SIK2: variants seen among roughly 807,000 people sequenced by gnomAD.
SIK2 encodes the protein serine/threonine-protein kinase SIK2.
A neutral mutation model predicts 103.2 loss-of-function variants in SIK2; 29 were observed. The ratio of observed to expected loss-of-function variants is 0.28; its 90% CI spans 0.21 to 0.38. The LOEUF is 0.38. SIK2 is among the 10% of genes least tolerant of loss of function. The probability of loss-of-function intolerance (pLI) is 1.00; values close to 1 mark genes in which losing one functional copy is unlikely to be tolerated. For synonymous variants in SIK2, 412 were observed against 446.1 expected, an observed-to-expected ratio of 0.92 and a Z score of 0.96; for missense variants, 879 against 1,171.0, an observed-to-expected ratio of 0.75 and a Z score of 3.64.
rs1205063442 is a variant in SIK2, at chr11:111,674,749, AT to A, written c.317-13237del. Among the ~76,000 whole-genome samples the A allele has an allele frequency of 4.8e-3, 696 of 145,290 alleles. 2 individuals are homozygous for A. The highest frequency in any genetic ancestry group is 0.011 in the African/African-American group (438 of 39,902). Reference sequence around the variant, plus strand: ...TACCAGTCATATTTCTACTGTGATAATTTTTTTTTTTTTTTGAGACGGAGTC... The same window carrying A: ...TACCAGTCATATTTCTACTGTGATAATTTTTTTTTTTTTTGAGACGGAGTC... On this transcript the variant is annotated intron_variant, in intron 3 of 14. Coordinates refer to ENST00000304987, the MANE Select transcript of SIK2 (RefSeq NM_015191.3).
At chr11:111,655,394 ACT>A in intron 3 of SIK2, among the ~76,000 whole-genome samples, 1 of 152,236 alleles carries the variant, frequency 6.6e-6, no homozygotes, top group African/African-American at 2.4e-5. Flanking sequence ...ACAGAGCGAG[ACT>A]CTGTCTCAAA....
chr11:111,634,556 A>G (rs1362204418), intron 3 of SIK2, among the ~76,000 whole-genome samples: 1 of 152,048 alleles, frequency 6.6e-6, no homozygotes, highest in Non-Finnish European at 1.5e-5. Flanking sequence ...TCAGATTGCC[A>G]TCATTTCTCA....
intron 2 of SIK2, among the ~76,000 whole-genome samples, chr11:111,618,643 T>C (rs764420984): frequency 2.0e-5 from 3 of 152,146 alleles, no homozygotes; most frequent in Non-Finnish European, 4.4e-5. Context: ...CACTGTACTT[T>C]AGCCTGGATA....
chr11:111,617,665 G>A (rs748077354), intron 2 of SIK2, among the ~76,000 whole-genome samples: 9 of 152,160 alleles, frequency 5.9e-5, no homozygotes, highest in Non-Finnish European at 1.0e-4. Flanking sequence ...AAATAGATTA[G>A]CACAAATGTG....
chr11:111,654,451 A>G (rs775079089), intron 3 of SIK2, among the ~76,000 whole-genome samples: 2 of 152,210 alleles, frequency 1.3e-5, no homozygotes, highest in Non-Finnish European at 2.9e-5. Flanking sequence ...TTGTCAGATC[A>G]TTTGGCCAAA....
Position 111,723,938 on chromosome 11 carries a change from C to G in SIK2, c.2590C>G (p.Pro864Ala), listed in dbSNP as rs767803933. The G allele has an allele frequency of 1.2e-6, 2 of 1,614,108 alleles. No homozygotes were observed. Among genetic ancestry groups the G allele is most frequent in the Admixed American group, 1.7e-5 (1 of 60,016 alleles). The change falls in exon 15 of 15, where the codon CCC becomes GCC. Residue 864 changes from proline to alanine, a missense_variant. By Grantham distance (27) the Pro-to-Ala change is conservative (BLOSUM62 -1). Transcript: ENST00000304987. ...AASPAPDYPT[P>A]CQYPVDGAQQ... The stretch of plus-strand genomic sequence containing the variant: ...TTCCCCTGCGCCAGACTATCCCACT[C>G]CCTGTCAGTATCCTGTGGATGGAGC...
intron 1 of SIK2, among the ~76,000 whole-genome samples, chr11:111,615,967 A>G (rs187647110): frequency 1.2e-4 from 19 of 152,350 alleles, no homozygotes; most frequent in Admixed American, 9.8e-4. Flanking sequence ...CAGTTTGTAC[A>G]GGAGAAAAAA....
At chr11:111,659,981 G>A (rs1218824519) in intron 3 of SIK2, among the ~76,000 whole-genome samples, 1 of 152,180 alleles carries the variant, frequency 6.6e-6, no homozygotes, top group African/African-American at 2.4e-5. Context: ...GTCACATCCA[G>A]ATATTCAGAA....
intron 7 of SIK2, 63 bp downstream of exon 7, chr11:111,703,486 C>CA (rs1279187694): frequency 6.9e-7 from 1 of 1,441,524 alleles, no homozygotes; most frequent in Admixed American, 1.7e-5. Context: ...CATGCTCACA[C>CA]CTGTCATCCT....
At chr11:111,658,199 C>G (rs1174862822) in intron 3 of SIK2, among the ~76,000 whole-genome samples, 1 of 151,508 alleles carries the variant, frequency 6.6e-6, no homozygotes, top group Non-Finnish European at 1.5e-5. Flanking sequence ...GAGCTCGGCT[C>G]ACTGCAACCT....
chr11:111,658,740 C>CAA (rs112214279), intron 3 of SIK2, among the ~76,000 whole-genome samples: 1 of 139,586 alleles, frequency 7.2e-6, no homozygotes, highest in African/African-American at 2.6e-5. Flanking sequence ...GGCCTTGTCA[C>CAA]AAAAAAAAAA....
chr11:111,616,364 G>A lies in SIK2; in HGVS notation c.252+5G>A. The A allele has an allele frequency of 4.0e-6, 6 of 1,500,184 alleles. No individual in the cohort carries two copies. The highest frequency in any genetic ancestry group is 5.6e-6 in the Non-Finnish European group (6 of 1,076,698). 92.9% of individuals were successfully genotyped at this position (1,500,184 alleles called of 1,614,324 possible). On this transcript the variant is annotated splice_donor_5th_base_variant and intron_variant, in intron 2 of 14. Transcript: ENST00000304987. ...CACATAATCAAACTTTATCAGGTAT[G>A]ACTCAGCCTAACACTATCTCCATTC...
chr11:111,641,114 T>G (rs565963856), intron 3 of SIK2, among the ~76,000 whole-genome samples: 4 of 152,172 alleles, frequency 2.6e-5, no homozygotes, highest in African/African-American at 9.7e-5. Context: ...TTCTCTTTTT[T>G]TCTTGGAAAT....
At chr11:111,660,582 T>G (rs1942454141) in intron 3 of SIK2, among the ~76,000 whole-genome samples, 1 of 152,226 alleles carries the variant, frequency 6.6e-6, no homozygotes, top group South Asian at 2.1e-4. Context: ...GAGATCAGTC[T>G]TCTGAAATCT....
At chr11:111,650,208 G>T (rs893035409) in intron 3 of SIK2, among the ~76,000 whole-genome samples, 1 of 150,852 alleles carries the variant, frequency 6.6e-6, no homozygotes, top group Admixed American at 6.6e-5. Context: ...TTTTCCTTTG[G>T]CTTCTCTGGG....
intron 3 of SIK2, among the ~76,000 whole-genome samples, chr11:111,678,126 G>A (rs1565349459): frequency 1.3e-5 from 2 of 152,022 alleles, no homozygotes; most frequent in South Asian, 2.1e-4. Context: ...TTTTGTGAAC[G>A]TGCTGCACCT....
chr11:111,711,922 G>A (rs1943507924), intron 8 of SIK2, among the ~76,000 whole-genome samples: 1 of 152,220 alleles, frequency 6.6e-6, no homozygotes, highest in Non-Finnish European at 1.5e-5. Context: ...GAACATTCTT[G>A]ATTCCTCACA....
In SIK2 at chr11:111,723,586, G is replaced by T. The variant is rs369337511; in HGVS notation, c.2238G>T (p.Gln746His). 1 of 1,614,170 alleles carries T rather than the reference G, an allele frequency of 6.2e-7. No homozygotes were observed. Among genetic ancestry groups the T allele is most frequent in the Non-Finnish European group, 8.5e-7 (1 of 1,180,034 alleles). ...AGATAGCAGAGAGCTCCTACCCACAGCCAAGTCAGCAGCTGCCCCTTCCCC... is the reference window on the plus strand; with the variant it reads ...AGATAGCAGAGAGCTCCTACCCACATCCAAGTCAGCAGCTGCCCCTTCCCC... ...QMQIAESSYP[Q>H]PSQQLPLPRQ... The change falls in exon 15 of 15, where the codon CAG becomes CAT. Residue 746 changes from glutamine to histidine, a missense_variant. This residue lies in a region of SIK2 where 375 missense variants were observed against 416.3 expected (regional missense o/e 0.90). Transcript: ENST00000304987.
Position 111,602,743 on chromosome 11 carries a change from G to A in SIK2, c.135+45G>A. 1 of 1,456,130 alleles carries A rather than the reference G, an allele frequency of 6.9e-7. No individual in the cohort carries two copies. Among genetic ancestry groups the A allele is most frequent in the Non-Finnish European group, 9.1e-7 (1 of 1,103,340 alleles). 90.2% of individuals were successfully genotyped at this position (1,456,130 alleles called of 1,614,324 possible). On this transcript the variant is annotated intron_variant, in intron 1 of 14. Coordinates refer to ENST00000304987, the MANE Select transcript of SIK2 (RefSeq NM_015191.3). The surrounding 1 kb of genome is among the most constrained non-coding windows in gnomAD (Gnocchi z 4.5). ...GGGAGCGTCCGAGGCGAGGGTTCGGGAGAGGAGCTGCTTACCGAGAGGGGC... is the reference window on the plus strand; with the variant it reads ...GGGAGCGTCCGAGGCGAGGGTTCGGAAGAGGAGCTGCTTACCGAGAGGGGC...
Sources: gnomAD v4.1 joint callset for allele counts (sites outside exome capture counted in the v4.1 genomes callset) on GRCh38, gnomAD v4.1.1 for gene constraint, gnomAD v4.1.1 regional missense constraint, Gnocchi (gnomAD v3.1) non-coding constraint, MANE v1.5 for transcripts, NCBI Gene and HGNC (gene_info 2026-07-23, HGNC 2026-07-21) for gene names.